Variants in ASIC2 observed in about 807,000 individuals in gnomAD.
ASIC2 encodes acid sensing ion channel subunit 2.
A neutral mutation model predicts 57.3 loss-of-function variants in ASIC2; 25 were observed. That is an observed-to-expected ratio of 0.44 (90% confidence interval 0.32 to 0.61). The LOEUF is 0.61. ASIC2 is among the 20% of genes least tolerant of loss of function. The pLI, the probability that ASIC2 is intolerant of heterozygous loss-of-function variation, is 0.06. For missense variants in ASIC2, 641 were observed against 738.1 expected (o/e 0.87, Z 1.52); for synonymous variants, 319 against 307.5 (o/e 1.04, Z -0.39).
At chr17:33,770,289 C>T (rs1199948733) in intron 1 of ASIC2, among the ~76,000 whole-genome samples, 4 of 152,234 alleles carry the variant, frequency 2.6e-5, no homozygotes, top group African/African-American at 9.6e-5. Flanking sequence ...GGGCAGGACA[C>T]AGTTCAGAAT....
intron 1 of ASIC2, among the ~76,000 whole-genome samples, chr17:33,300,968 C>T (rs1438627107): frequency 6.6e-6 from 1 of 152,104 alleles, no homozygotes; most frequent in Non-Finnish European, 1.5e-5. Flanking sequence ...ATCTGTAAGG[C>T]ACTGTGCTCA....
At chr17:33,228,495 C>T (rs943007692) in intron 1 of ASIC2, among the ~76,000 whole-genome samples, 1 of 152,236 alleles carries the variant, frequency 6.6e-6, no homozygotes. Flanking sequence ...GCGCATGGCA[C>T]GTCCATGTGG....
chr17:33,260,818 G>C (rs1389419163), intron 1 of ASIC2, among the ~76,000 whole-genome samples: 3 of 152,178 alleles, frequency 2.0e-5, no homozygotes, highest in Non-Finnish European at 4.4e-5. Context: ...CTCACACCGT[G>C]CAGGTGCAGC....
intron 1 of ASIC2, among the ~76,000 whole-genome samples, chr17:33,235,494 T>A (rs1413384638): frequency 6.6e-6 from 1 of 152,140 alleles, no homozygotes; most frequent in African/African-American, 2.4e-5. Flanking sequence ...AGTCACAGTA[T>A]AAGTACAAAT....
At position 33,152,742 on chromosome 17, in the gene ASIC2, C is replaced by A. The variant is rs138514574; in HGVS notation, c.709-40675G>T. 5.9e-5 allele frequency among the ~76,000 whole-genome samples: 9 copies of A among 152,314 alleles called. No individual in the cohort carries two copies. In the East Asian group the frequency reaches 1.7e-3, roughly 29 times the overall value. ...TCAGAGGAAAGAATAAAACAGAATT[C>A]CCTGTACATCATCCCTTTCCTGGTG... On this transcript the variant is annotated intron_variant, in intron 1 of 9. Transcript: ENST00000225823.
intron 1 of ASIC2, among the ~76,000 whole-genome samples, chr17:33,992,800 G>A (rs985584079): frequency 1.3e-5 from 2 of 152,178 alleles, no homozygotes; most frequent in East Asian, 1.9e-4. Context: ...AAGCATTTAG[G>A]ATGTAATAAG....
At chr17:33,997,189 T>C (rs1224523782) in intron 1 of ASIC2, among the ~76,000 whole-genome samples, 2 of 152,046 alleles carry the variant, frequency 1.3e-5, no homozygotes, top group East Asian at 3.8e-4. Context: ...TCACCTAGGC[T>C]GGAGTGAAGT....
chr17:33,646,449 T>A (rs1906742555), intron 1 of ASIC2, among the ~76,000 whole-genome samples: 1 of 152,190 alleles, frequency 6.6e-6, no homozygotes, highest in South Asian at 2.1e-4. Context: ...TCCACAGCCC[T>A]CTTTCTGCCC....
At position 33,913,099 on chromosome 17, in the gene ASIC2, G is replaced by A. The variant is rs573908545; in HGVS notation, c.555+242879C>T. Reference sequence around the variant, plus strand: ...TTTGTAATAAATCCCCCTCCCCCCCGCCAATTTCTGCCAGTTCTCACAGAT... The same window carrying A: ...TTTGTAATAAATCCCCCTCCCCCCCACCAATTTCTGCCAGTTCTCACAGAT... On this transcript the variant is annotated intron_variant, in intron 1 of 9. Transcript: ENST00000359872. Among the ~76,000 whole-genome samples, 92 of 148,402 alleles carry A rather than the reference G, an allele frequency of 6.2e-4. 1 individual carries two copies. Among genetic ancestry groups the A allele is most frequent in the Non-Finnish European group, 1.0e-3 (67 of 67,096 alleles).
chr17:34,108,951 A>T (rs1911165545), intron 1 of ASIC2, among the ~76,000 whole-genome samples: 1 of 151,858 alleles, frequency 6.6e-6, no homozygotes, highest in Non-Finnish European at 1.5e-5. Context: ...TATCTTGGTT[A>T]TGGTTAGTGG....
chr17:33,884,579 A>T (rs1489517633), intron 1 of ASIC2, among the ~76,000 whole-genome samples: 2 of 152,090 alleles, frequency 1.3e-5, no homozygotes, highest in African/African-American at 4.8e-5. Flanking sequence ...TCCTTGGAGC[A>T]GCTTCAGCAT....
chr17:33,701,329 A>G (rs1189442103), intron 1 of ASIC2, among the ~76,000 whole-genome samples: 2 of 152,196 alleles, frequency 1.3e-5, no homozygotes, highest in Non-Finnish European at 2.9e-5. Context: ...AATTCTGCAC[A>G]AAGTATATGA....
chr17:33,015,186 G>A (rs1222782515), intron 9 of ASIC2, among the ~76,000 whole-genome samples: 1 of 152,158 alleles, frequency 6.6e-6, no homozygotes, highest in Admixed American at 6.5e-5. Flanking sequence ...ATATTAAGTG[G>A]GTGGTGGTCA....
At chr17:33,306,117 AT>A (rs991079341) in intron 1 of ASIC2, among the ~76,000 whole-genome samples, 3 of 152,078 alleles carry the variant, frequency 2.0e-5, no homozygotes, top group African/African-American at 4.8e-5. Flanking sequence ...TTTTTACCAC[AT>A]TTTTTTCCCT....
chr17:33,695,286 A>G (rs1351683840), intron 1 of ASIC2, among the ~76,000 whole-genome samples: 1 of 152,206 alleles, frequency 6.6e-6, no homozygotes, highest in East Asian at 1.9e-4. Flanking sequence ...AGTAACATAA[A>G]CAAATCATTT....
Position 33,221,191 on chromosome 17 carries a change from A to G in ASIC2, c.708+70217T>C, listed in dbSNP as rs548208648. ...CTAGGCCTGGCTCTGTTGTAAATCC[A>G]AATGAGATCTGGGCCAAGTCACTTT... On this transcript the variant is annotated intron_variant, in intron 1 of 9. Transcript: ENST00000225823. Among the ~76,000 whole-genome samples the G allele has an allele frequency of 2.1e-3, 323 of 152,324 alleles. 1 individual carries two copies. Among genetic ancestry groups the G allele is most frequent in the African/African-American group, 7.6e-3 (315 of 41,568 alleles).
At position 33,013,947 on chromosome 17, in the gene ASIC2, T is replaced by C. The variant is rs750173852; in HGVS notation, c.*18A>G. ...CTCAAGGTCTGTTTGGAGGGAGTGC[T>C]GGGTGACTCGAGGGGTGTCAGCAGG... On this transcript the variant is annotated 3_prime_UTR_variant, in exon 10 of 10. Transcript: ENST00000225823. 17 of 1,551,060 alleles carry C rather than the reference T, an allele frequency of 1.1e-5. No homozygotes were observed. The highest frequency in any genetic ancestry group is 1.4e-5 in the Non-Finnish European group (16 of 1,139,952).
chr17:33,702,271 C>G (rs930592460), intron 1 of ASIC2, among the ~76,000 whole-genome samples: 1 of 152,176 alleles, frequency 6.6e-6, no homozygotes, highest in African/African-American at 2.4e-5. Context: ...AGTAGGTACT[C>G]AGTCGTAGTT....
chr17:33,580,736 C>G (rs537604979), intron 1 of ASIC2, among the ~76,000 whole-genome samples: 1 of 152,282 alleles, frequency 6.6e-6, no homozygotes, highest in Admixed American at 6.5e-5. Flanking sequence ...TGCTGCGTCT[C>G]AGCTAATATA....
Sources: allele counts gnomAD v4.1 joint callset (sites outside exome capture counted in the v4.1 genomes callset), GRCh38; gene constraint gnomAD v4.1.1; transcripts MANE v1.5; gene names NCBI Gene and HGNC (gene_info 2026-07-23, HGNC 2026-07-21).